SPAG6: variants seen among roughly 807,000 people sequenced by gnomAD.
SPAG6 encodes the protein sperm-associated antigen 6.
In SPAG6, 49 loss-of-function variants were observed where a neutral mutation model predicts 58.5. That is an observed-to-expected ratio of 0.84 (90% CI 0.67 to 1.06). The LOEUF is 1.06. Among genes scored for constraint, SPAG6 ranks in the 50% least tolerant of loss-of-function variants. The pLI is 0.00. For missense variants in SPAG6, 560 were observed against 611.3 expected (o/e 0.92, Z 0.89); for synonymous variants, 233 against 225.6 (o/e 1.03, Z -0.29).
chr10:22,411,200 G>C, intron 10 of SPAG6, 24 bp downstream of exon 10: 1 of 1,584,378 alleles, frequency 6.3e-7, no homozygotes, highest in Non-Finnish European at 8.6e-7. Flanking sequence ...ACTTTGAAAC[G>C]TTCAATATTA....
At chr10:22,379,920 G>A (rs547161824) in intron 4 of SPAG6, among the ~76,000 whole-genome samples, 2 of 152,122 alleles carry the variant, frequency 1.3e-5, no homozygotes, top group African/African-American at 2.4e-5. Flanking sequence ...TCAGCCTCCC[G>A]AGTAGCTGAG....
At chr10:22,366,496 T>C (rs112772281) in intron 3 of SPAG6, among the ~76,000 whole-genome samples, 8,583 of 152,232 alleles carry the variant, frequency 0.056, 813 homozygotes, top group African/African-American at 0.2. Context: ...GTGATGGTTG[T>C]GCAACATTGT....
In SPAG6 at chr10:22,357,982, C is replaced by A. The variant is rs528496314; in HGVS notation, c.122-6871C>A. Among the ~76,000 whole-genome samples the A allele has an allele frequency of 3.9e-5, 6 of 152,208 alleles. No homozygotes were observed. In the South Asian group the frequency reaches 1.2e-3, roughly 32 times the overall value. Reference sequence around the variant, plus strand: ...GCCACATTTTCTTAATCCAGTCTCTCATTGTTGGACATTTGGGTTGGTTCC... The same window carrying A: ...GCCACATTTTCTTAATCCAGTCTCTAATTGTTGGACATTTGGGTTGGTTCC... On this transcript the variant is annotated intron_variant, in intron 2 of 10. Coordinates refer to ENST00000376624, the MANE Select transcript of SPAG6 (RefSeq NM_012443.4).
At chr10:22,403,530 A>C (rs916027311) in intron 9 of SPAG6, among the ~76,000 whole-genome samples, 2 of 152,212 alleles carry the variant, frequency 1.3e-5, no homozygotes, top group African/African-American at 4.8e-5. Flanking sequence ...AATCCAGTGT[A>C]TCACTGTTGG....
intron 10 of SPAG6, chr10:22,411,748 A>G (rs1834740433): frequency 6.6e-6 from 1 of 152,146 alleles, no homozygotes; most frequent in African/African-American, 2.4e-5. Context: ...CATTCAACCT[A>G]AGCCTCGGTC....
At chr10:22,413,688 G>T (rs11012987) in intron 10 of SPAG6, among the ~76,000 whole-genome samples, 2,296 of 141,502 alleles carry the variant, frequency 0.016, 87 homozygotes, top group African/African-American at 0.061. Flanking sequence ...TCAAATTTCT[G>T]ATATATATAT....
intron 4 of SPAG6, among the ~76,000 whole-genome samples, chr10:22,376,451 T>C (rs1833815282): frequency 6.6e-6 from 1 of 152,266 alleles, no homozygotes; most frequent in Non-Finnish European, 1.5e-5. Flanking sequence ...ATTATGTAGA[T>C]AATATTTCTA....
chr10:22,388,634 A>G (rs1834119984), intron 6 of SPAG6, among the ~76,000 whole-genome samples: 1 of 152,132 alleles, frequency 6.6e-6, no homozygotes, highest in South Asian at 2.1e-4. Flanking sequence ...TTGACTAATC[A>G]ATTTTTATTT....
intron 2 of SPAG6, among the ~76,000 whole-genome samples, chr10:22,354,312 G>A (rs980487875): frequency 2.0e-5 from 3 of 152,298 alleles, no homozygotes; most frequent in East Asian, 3.9e-4. Flanking sequence ...CAGGTAAGGC[G>A]AGAGATGACT....
In SPAG6 at chr10:22,345,836, A is replaced by ACCCCCGTCGC. The variant is rs759475982; in HGVS notation, c.121+25_121+34dup. On this transcript the variant is annotated intron_variant, in intron 2 of 10. Coordinates refer to ENST00000376624, the MANE Select transcript of SPAG6 (RefSeq NM_012443.4). The surrounding 1 kb of genome is among the most constrained non-coding windows in gnomAD (Gnocchi z 6.3). ...GAACGCGGGTGAGCCCGGAGCCCGAACCCCCGTCGCCCCCCGCGCACTGAG... is the reference window on the plus strand; with the variant it reads ...GAACGCGGGTGAGCCCGGAGCCCGAACCCCCGTCGCCCCCCGTCGCCCCCCGCGCACTGAG... 6.2e-7 allele frequency: 1 copy of ACCCCCGTCGC among 1,607,174 alleles called. No individual in the cohort carries two copies. The highest frequency in any genetic ancestry group is 2.3e-5 in the East Asian group (1 of 44,314).
chr10:22,370,799 G>A (rs1443431107), intron 4 of SPAG6, among the ~76,000 whole-genome samples: 1 of 152,158 alleles, frequency 6.6e-6, no homozygotes, highest in Non-Finnish European at 1.5e-5. Flanking sequence ...CAAAACTACA[G>A]CAGGGTTTTC....
intron 4 of SPAG6, among the ~76,000 whole-genome samples, chr10:22,374,941 G>A (rs532099163): frequency 6.6e-6 from 1 of 152,138 alleles, no homozygotes; most frequent in South Asian, 2.1e-4. Context: ...GAAGGAAAGT[G>A]CTTTGTCCCA....
chr10:22,410,861 T>C (rs143138043), intron 9 of SPAG6, among the ~76,000 whole-genome samples, 170 bp from the exon 10 acceptor site: 1 of 152,306 alleles, frequency 6.6e-6, no homozygotes, highest in Non-Finnish European at 1.5e-5. Flanking sequence ...ATTAACACAT[T>C]CTAAAAAGCA....
intron 8 of SPAG6, among the ~76,000 whole-genome samples, chr10:22,396,115 G>A (rs993818734): frequency 2.0e-5 from 3 of 152,136 alleles, no homozygotes; most frequent in Admixed American, 1.3e-4. Flanking sequence ...GAGAGGGAGC[G>A]AAGGGGGAGG....
At chr10:22,367,307 A>G (rs1837227450) in intron 3 of SPAG6, among the ~76,000 whole-genome samples, 1 of 152,168 alleles carries the variant, frequency 6.6e-6, no homozygotes. Context: ...TTTAGAGTAA[A>G]TTAGTAGAAA....
At chr10:22,379,349 C>T (rs969065404) in intron 4 of SPAG6, among the ~76,000 whole-genome samples, 3 of 152,220 alleles carry the variant, frequency 2.0e-5, no homozygotes, top group Non-Finnish European at 4.4e-5. Context: ...AGTCCCCTCC[C>T]CCGTTGCACC....
chr10:22,388,967 C>T (rs954998111), intron 6 of SPAG6, among the ~76,000 whole-genome samples, 193 bp from the exon 7 acceptor site: 2 of 152,108 alleles, frequency 1.3e-5, no homozygotes, highest in Non-Finnish European at 2.9e-5. Flanking sequence ...AGTAAAGCTC[C>T]TCACAGTTTG....
chr10:22,351,633 C>G (rs766468672), intron 2 of SPAG6, among the ~76,000 whole-genome samples: 1 of 152,102 alleles, frequency 6.6e-6, no homozygotes, highest in Non-Finnish European at 1.5e-5. Flanking sequence ...GTGTAAAGTA[C>G]TTTTTGTTCA....
chr10:22,391,737 C>G lies in SPAG6; in HGVS notation c.1014C>G (p.Pro338=), dbSNP rs1417868896. The G allele has an allele frequency of 6.2e-7, 1 of 1,613,278 alleles. No individual in the cohort carries two copies. Among genetic ancestry groups the G allele is most frequent in the East Asian group, 2.2e-5 (1 of 44,864 alleles). ...TTTGATCCACGCTGCAGGGTGTACC[C>G]CAGTTGTCAGTCTGCTTGTCAGAAG... ...AMAVIISKGV[P]QLSVCLSEEP... The change falls in exon 8 of 11, where the codon CCC becomes CCG. Residue 338 remains proline (P), a synonymous_variant. Coordinates refer to ENST00000376624, the MANE Select transcript of SPAG6 (RefSeq NM_012443.4).
Sources: allele counts gnomAD v4.1 joint callset (sites outside exome capture counted in the v4.1 genomes callset), GRCh38; gene constraint gnomAD v4.1.1; non-coding constraint Gnocchi (gnomAD v3.1); transcripts MANE v1.5; gene names NCBI Gene and HGNC (gene_info 2026-07-23, HGNC 2026-07-21).